CXorf58: variants seen among roughly 807,000 people sequenced by gnomAD.
CXorf58 encodes uncharacterized protein CXorf58.
A neutral mutation model predicts 26.0 loss-of-function variants in CXorf58; 24 were observed. The observed-to-expected ratio is 0.92, with a 90% CI of 0.67 to 1.30. The LOEUF is 1.30. Among genes scored for constraint, CXorf58 ranks in the 50% most tolerant of loss-of-function variants. The pLI is 0.00. For missense variants in CXorf58, 236 were observed against 263.9 expected (o/e 0.89, Z 0.73); for synonymous variants, 87 against 86.1 (o/e 1.01, Z -0.06).
intron 4 of CXorf58, among the ~76,000 whole-genome samples, 191 bp downstream of exon 4, chrX:23,915,985 C>T (rs1319750408): frequency 1.8e-5 from 2 of 111,780 alleles, no homozygotes; most frequent in Non-Finnish European, 3.8e-5. Flanking sequence ...GAGAGTAGCT[C>T]TCATCTCCCA....
chrX:23,916,558 T>A (rs1472271966), intron 5 of CXorf58: 8 of 239,360 alleles, frequency 3.3e-5, no homozygotes, highest in Non-Finnish European at 4.8e-5. Context: ...CTCTAGAAAA[T>A]ATCCATCCAT....
chrX:23,908,515 A>G (rs911225840), intron 1 of CXorf58, among the ~76,000 whole-genome samples, 186 bp downstream of exon 1: 25 of 112,108 alleles, frequency 2.2e-4, no homozygotes, highest in Admixed American at 6.6e-4. Context: ...GTAGGTGGGC[A>G]TGATTATTAT....
chrX:23,932,716 C>T (rs1054848470), intron 6 of CXorf58, among the ~76,000 whole-genome samples: 1 of 111,802 alleles, frequency 8.9e-6, no homozygotes, highest in African/African-American at 3.2e-5. Context: ...AACAGGAGGC[C>T]GGGCGTGGTG....
At chrX:23,919,211 A>C (rs1006724416) in intron 5 of CXorf58, among the ~76,000 whole-genome samples, 3 of 110,931 alleles carry the variant, frequency 2.7e-5, no homozygotes, top group Non-Finnish European at 5.7e-5. Context: ...TCTTAGATTC[A>C]CCCTTTTGAG....
intron 7 of CXorf58, among the ~76,000 whole-genome samples, chrX:23,936,061 A>G (rs981926837): frequency 2.7e-5 from 3 of 110,803 alleles, no homozygotes; most frequent in African/African-American, 9.8e-5. Flanking sequence ...GTGAGCCACC[A>G]TGCCCGGCCG....
At chrX:23,907,998 G>A, upstream of CXorf58, 1 of 282,847 alleles carries the variant, frequency 3.5e-6, no homozygotes, top group Admixed American at 6.4e-5. Flanking sequence ...AGAAAGCGCC[G>A]GCTCTGTGTG....
intron 7 of CXorf58, among the ~76,000 whole-genome samples, chrX:23,935,933 C>T (rs192520811): frequency 8.1e-5 from 9 of 110,777 alleles, no homozygotes; most frequent in Admixed American, 5.8e-4. Context: ...CCACCATGCC[C>T]GGCTAATTTT....
chrX:23,926,040 C>T (rs184802807), intron 5 of CXorf58, among the ~76,000 whole-genome samples: 18 of 110,059 alleles, frequency 1.6e-4, no homozygotes, highest in African/African-American at 5.6e-4. Context: ...CCACCTGCAT[C>T]GGCCTCCCAA....
In CXorf58 at chrX:23,909,398, A is replaced by G. The variant is rs769126939; in HGVS notation, c.-20-885A>G. On this transcript the variant is annotated intron_variant, in intron 1 of 8. Transcript: ENST00000379211. Reference sequence around the variant, plus strand: ...GATATTTTCATGTTACATTGCAGTCATGTCAGGGATCTTGAAATATTTATG... The same window carrying G: ...GATATTTTCATGTTACATTGCAGTCGTGTCAGGGATCTTGAAATATTTATG... Among the ~76,000 whole-genome samples, 32 of 111,901 alleles carry G rather than the reference A, an allele frequency of 2.9e-4. No individual in the cohort carries two copies. The South Asian group carries it at 8.9e-3, about 31-fold the overall frequency.
At chrX:23,920,384 G>T (rs1364803908) in intron 5 of CXorf58, among the ~76,000 whole-genome samples, 1 of 112,019 alleles carries the variant, frequency 8.9e-6, no homozygotes, top group Non-Finnish European at 1.9e-5. Context: ...ACCCTGGCAA[G>T]ATCCCCCTTC....
chrX:23,915,840 T>C, intron 4 of CXorf58, 46 bp downstream of exon 4: 1 of 725,733 alleles, frequency 1.4e-6, no homozygotes, highest in East Asian at 3.3e-5. Context: ...TTAGTTAATA[T>C]GAGGAAATCT....
chrX:23,930,886 G>A (rs1442735751), intron 6 of CXorf58, among the ~76,000 whole-genome samples: 1 of 111,791 alleles, frequency 8.9e-6, no homozygotes, highest in East Asian at 2.8e-4. Flanking sequence ...GAGCCATTAT[G>A]CCCAGCCATA....
Position 23,931,647 on chromosome X carries a change from G to A in CXorf58, c.556-3549G>A, listed in dbSNP as rs146286197. ...GACCAGCAAATTGAAACCATGCAAA[G>A]CAAACTTAATAATTTGTGGGGAAAA... On this transcript the variant is annotated intron_variant, in intron 6 of 8. Coordinates refer to ENST00000379211, the MANE Select transcript of CXorf58 (RefSeq NM_152761.3). Among the ~76,000 whole-genome samples the A allele has an allele frequency of 5.9e-3, 659 of 112,141 alleles. 3 individuals are homozygous for A. The highest frequency in any genetic ancestry group is 0.023 in the South Asian group (62 of 2,723).
intron 6 of CXorf58, among the ~76,000 whole-genome samples, chrX:23,934,740 T>C (rs1277374187): frequency 9.0e-6 from 1 of 111,067 alleles, no homozygotes; most frequent in East Asian, 2.8e-4. Context: ...GCCAGGCTGG[T>C]CTCGAACTCC....
At chrX:23,930,422 G>A (rs1928137654) in intron 6 of CXorf58, among the ~76,000 whole-genome samples, 1 of 107,529 alleles carries the variant, frequency 9.3e-6, no homozygotes. Context: ...TGAAGATGGA[G>A]TTTGAGACCA....
intron 2 of CXorf58, 134 bp from the exon 3 acceptor site, chrX:23,911,623 A>G (rs1032672979): frequency 3.8e-5 from 15 of 396,744 alleles, no homozygotes; most frequent in Non-Finnish European, 6.1e-5. Context: ...ACCACATCCA[A>G]ATGTTCCTCA....
chrX:23,911,796 T>G lies in CXorf58; in HGVS notation c.156T>G (p.Ala52=). 8.3e-7 allele frequency: 1 copy of G among 1,204,054 alleles called. No individual in the cohort carries two copies. The highest frequency in any genetic ancestry group is 1.1e-6 in the Non-Finnish European group (1 of 889,947). Residue 52 remains alanine (A), a synonymous_variant, in exon 3 of 9, where the codon GCT becomes GCG. Transcript: ENST00000379211. ...TTTCAGCTCAAATAATACAGAGGGC[T>G]TGGTTATCTCATACAAACAAAATGA... is the stretch of plus-strand genomic sequence containing the variant. ...KDISAQIIQR[A]WLSHTNKMIF...
At chrX:23,937,355 A>G in intron 7 of CXorf58, among the ~76,000 whole-genome samples, 1 of 111,199 alleles carries the variant, frequency 9.0e-6, no homozygotes, top group Non-Finnish European at 1.9e-5. Context: ...TTAGGAAGGG[A>G]CATATTAATT....
chrX:23,915,943 C>T (rs1338918454), intron 4 of CXorf58, 149 bp downstream of exon 4: 4 of 451,297 alleles, frequency 8.9e-6, no homozygotes, highest in Admixed American at 8.6e-5. Flanking sequence ...GTGAAGAAAC[C>T]GAGGCATGAC....
Sources: allele counts gnomAD v4.1 joint callset (sites outside exome capture counted in the v4.1 genomes callset), GRCh38; gene constraint gnomAD v4.1.1; transcripts MANE v1.5; gene names NCBI Gene and HGNC (gene_info 2026-07-23, HGNC 2026-07-21).